The following LHFPL3 variants were observed in gnomAD, a reference collection of about 807,000 sequenced individuals.
LHFPL3 encodes the protein LHFPL tetraspan subfamily member 3 protein.
LHFPL3 carries 5 observed loss-of-function variants against 19.3 expected under a neutral mutation model. The observed-to-expected ratio is 0.26, with a 90% CI of 0.14 to 0.54. The LOEUF (loss-of-function observed/expected upper bound fraction) is 0.54. Among genes scored for constraint, LHFPL3 ranks in the 20% least tolerant of loss-of-function variants. The pLI is 0.94. For synonymous variants in LHFPL3, 133 were observed against 126.2 expected, an observed-to-expected ratio of 1.05 and a Z score of -0.36; for missense variants, 249 against 307.4, an observed-to-expected ratio of 0.81 and a Z score of 1.42.
chr7:104,848,017 A>G (rs1417489063), intron 2 of LHFPL3, among the ~76,000 whole-genome samples: 3 of 152,238 alleles, frequency 2.0e-5, no homozygotes, highest in Non-Finnish European at 4.4e-5. Context: ...GGAAAATCAC[A>G]GAAGTGGATC....
chr7:104,508,990 G>A (rs933810615), intron 1 of LHFPL3, among the ~76,000 whole-genome samples: 1 of 151,810 alleles, frequency 6.6e-6, no homozygotes, highest in Non-Finnish European at 1.5e-5. Context: ...TGATAAATTC[G>A]ACAAATTAGA....
intron 2 of LHFPL3, among the ~76,000 whole-genome samples, chr7:104,827,956 A>G (rs1052530438): frequency 4.6e-5 from 7 of 151,984 alleles, no homozygotes; most frequent in Middle Eastern, 3.4e-3. Context: ...TGTGCTCCTC[A>G]GGTTCAGCAC....
At chr7:104,548,575 G>A (rs1169635944) in intron 1 of LHFPL3, among the ~76,000 whole-genome samples, 1 of 152,040 alleles carries the variant, frequency 6.6e-6, no homozygotes, top group Non-Finnish European at 1.5e-5. Flanking sequence ...AAACAAATAC[G>A]AAATAAAGAT....
chr7:104,698,880 T>C (rs1006341796), intron 1 of LHFPL3, among the ~76,000 whole-genome samples: 5 of 152,196 alleles, frequency 3.3e-5, no homozygotes, highest in African/African-American at 1.2e-4. Context: ...AATGGGCAAA[T>C]AGCTTTAATA....
chr7:104,818,509 ATC>A (rs2116517270), intron 2 of LHFPL3, among the ~76,000 whole-genome samples: 1 of 152,014 alleles, frequency 6.6e-6, no homozygotes, highest in South Asian at 2.1e-4. Flanking sequence ...CCAAATATCT[ATC>A]TTCTTGGTGT....
chr7:104,596,564 A>G (rs11760660), intron 1 of LHFPL3, among the ~76,000 whole-genome samples: 6,583 of 152,218 alleles, frequency 0.043, 165 homozygotes, highest in African/African-American at 0.062. Context: ...GGAAATTAAA[A>G]CCCCTCTGTT....
chr7:104,615,154 T>C (rs993822608), intron 1 of LHFPL3, among the ~76,000 whole-genome samples: 3 of 152,220 alleles, frequency 2.0e-5, no homozygotes, highest in African/African-American at 4.8e-5. Context: ...TCTTCACATA[T>C]ATGAGCTGGC....
chr7:104,855,572 AC>A (rs930180643), intron 2 of LHFPL3, among the ~76,000 whole-genome samples: 39 of 152,040 alleles, frequency 2.6e-4, no homozygotes, highest in African/African-American at 9.4e-4. Flanking sequence ...CCAAAAGAAT[AC>A]CCTTCTGGAT....
At chr7:104,631,343 T>C (rs1791638130) in intron 1 of LHFPL3, among the ~76,000 whole-genome samples, 2 of 152,124 alleles carry the variant, frequency 1.3e-5, no homozygotes, top group South Asian at 4.2e-4. Flanking sequence ...TACTCAGCTA[T>C]GTCCCCCCAA....
chr7:104,413,205 C>A (rs1430144295), intron 1 of LHFPL3, among the ~76,000 whole-genome samples: 1 of 152,154 alleles, frequency 6.6e-6, no homozygotes, highest in Non-Finnish European at 1.5e-5. Context: ...CAGAGTGAGA[C>A]CCCAGGTAGT....
chr7:104,730,596 G>GTT (rs143537001), intron 1 of LHFPL3, among the ~76,000 whole-genome samples: 2 of 151,908 alleles, frequency 1.3e-5, no homozygotes, highest in Non-Finnish European at 2.9e-5. Context: ...GGGGTTGTTT[G>GTT]TTTTTTTCTT....
chr7:104,564,524 G>C (rs1047785161), intron 1 of LHFPL3, among the ~76,000 whole-genome samples: 3 of 152,198 alleles, frequency 2.0e-5, no homozygotes, highest in Admixed American at 1.3e-4. Flanking sequence ...AATCCATCTA[G>C]ATACCTCATA....
At chr7:104,434,898 T>TA (rs1421978975) in intron 1 of LHFPL3, among the ~76,000 whole-genome samples, 1 of 152,192 alleles carries the variant, frequency 6.6e-6, no homozygotes. Context: ...ATGTAGATAT[T>TA]AACAATATAA....
chr7:104,434,383 G>T (rs1203598160), intron 1 of LHFPL3, among the ~76,000 whole-genome samples: 1 of 152,226 alleles, frequency 6.6e-6, no homozygotes, highest in Non-Finnish European at 1.5e-5. Context: ...TATGGAAATT[G>T]TATGCAAAAG....
intron 2 of LHFPL3, among the ~76,000 whole-genome samples, chr7:104,809,803 G>T (rs1486289695): frequency 1.3e-5 from 2 of 152,210 alleles, no homozygotes; most frequent in Non-Finnish European, 2.9e-5. Context: ...TAGTCATTTA[G>T]TTAATGAATC....
chr7:104,880,671 GAA>G, intron 2 of LHFPL3, among the ~76,000 whole-genome samples: 1 of 132,824 alleles, frequency 7.5e-6, no homozygotes, highest in African/African-American at 2.7e-5. Context: ...CTACTGCTGA[GAA>G]AAAAAAAAAA....
At chr7:104,437,398 C>T (rs1464110300) in intron 1 of LHFPL3, among the ~76,000 whole-genome samples, 1 of 152,188 alleles carries the variant, frequency 6.6e-6, no homozygotes, top group East Asian at 1.9e-4. Flanking sequence ...TTTTCCCCCA[C>T]ATCTCGATTC....
intron 1 of LHFPL3, among the ~76,000 whole-genome samples, chr7:104,370,924 C>G (rs1224988588): frequency 6.6e-6 from 1 of 152,314 alleles, no homozygotes; most frequent in Non-Finnish European, 1.5e-5. Context: ...AGTTATGTAA[C>G]TTTCTTAAGC....
At chr7:104,467,417 C>T (rs1584340281) in intron 1 of LHFPL3, among the ~76,000 whole-genome samples, 1 of 152,292 alleles carries the variant, frequency 6.6e-6, no homozygotes, top group East Asian at 1.9e-4. Context: ...ATAGTTCCCA[C>T]CCATCTATTT....
Sources: allele counts gnomAD v4.1 joint callset (sites outside exome capture counted in the v4.1 genomes callset), GRCh38; gene constraint gnomAD v4.1.1; transcripts MANE v1.5; gene names NCBI Gene and HGNC (gene_info 2026-07-23, HGNC 2026-07-21).